MICU3: variants seen among roughly 807,000 people sequenced by gnomAD.
The protein encoded by MICU3 is calcium uptake protein 3, mitochondrial.
A neutral mutation model predicts 66.5 loss-of-function variants in MICU3; 62 were observed. The observed-to-expected ratio is 0.93, with a 90% CI of 0.76 to 1.15. The LOEUF is 1.15. Ranked by LOEUF, MICU3 falls within the 50% of genes most tolerant of loss-of-function variation. MICU3 has a pLI of 0.00. For synonymous variants in MICU3, 308 were observed against 240.7 expected (o/e 1.28, Z -2.59); for missense variants, 779 against 664.4 (o/e 1.17, Z -1.90).
intron 1 of MICU3, among the ~76,000 whole-genome samples, chr8:17,030,305 T>C (rs1811799078): frequency 6.6e-6 from 1 of 152,262 alleles, no homozygotes; most frequent in African/African-American, 2.4e-5. Context: ...GGTTGTTACC[T>C]GTCTCTTACT....
chr8:17,106,071 G>T (rs1801712203), intron 11 of MICU3, among the ~76,000 whole-genome samples: 1 of 151,914 alleles, frequency 6.6e-6, no homozygotes. Flanking sequence ...TAAGAACCTG[G>T]GACAACTGAT....
rs562595642 is a variant in MICU3, at chr8:17,111,970, A to G, written c.1258-2123A>G. On this transcript the variant is annotated intron_variant, in intron 11 of 14. Transcript: ENST00000318063. ...GCAAGTACCTTCATCACAAGGCAGC[A>G]GGAGAGAAAGAGAGAACACACAGGA... is the stretch of plus-strand genomic sequence containing the variant. 2.0e-5 allele frequency among the ~76,000 whole-genome samples: 3 copies of G among 152,322 alleles called. No homozygotes were observed. The South Asian group carries it at 6.2e-4, about 32-fold the overall frequency.
chr8:17,098,452 C>G lies in MICU3; in HGVS notation c.889-6C>G. 1 of 1,580,342 alleles carries G rather than the reference C, an allele frequency of 6.3e-7. No homozygotes were observed. The highest frequency in any genetic ancestry group is 8.7e-7 in the Non-Finnish European group (1 of 1,149,824). On this transcript the variant is annotated splice_polypyrimidine_tract_variant and splice_region_variant and intron_variant, in intron 8 of 14. Transcript: ENST00000318063. ...ATTTCAGTTGTGCTTCTTAAAACTT[C>G]TACAGGTACTTAAAACAGATGCTGA...
At chr8:17,109,515 C>A (rs754146505) in intron 11 of MICU3, among the ~76,000 whole-genome samples, 1 of 151,992 alleles carries the variant, frequency 6.6e-6, no homozygotes, top group African/African-American at 2.4e-5. Flanking sequence ...AAAAAAAATT[C>A]TTTACTAGTG....
chr8:17,124,440 A>G (rs973292409), downstream of MICU3, among the ~76,000 whole-genome samples: 3 of 152,064 alleles, frequency 2.0e-5, no homozygotes, highest in East Asian at 3.9e-4. Flanking sequence ...ATATTTAAAT[A>G]TGTAAGGTAA....
chr8:17,104,084 A>G (rs772764708), intron 9 of MICU3, among the ~76,000 whole-genome samples: 22 of 152,058 alleles, frequency 1.4e-4, no homozygotes, highest in African/African-American at 2.9e-4. Context: ...AAGGATTTCA[A>G]TTATTTTAGA....
At chr8:17,116,134 C>T (rs1802655124) in intron 12 of MICU3, among the ~76,000 whole-genome samples, 2 of 152,204 alleles carry the variant, frequency 1.3e-5, no homozygotes, top group Admixed American at 1.3e-4. Context: ...CCCATCTGAA[C>T]CGTAAGTTTC....
At chr8:17,138,134 T>A in the MICU3 span, among the ~76,000 whole-genome samples, 1 of 152,140 alleles carries the variant, frequency 6.6e-6, no homozygotes, top group African/African-American at 2.4e-5. Flanking sequence ...CACATAGTGA[T>A]AAACTCTTAA....
intron 8 of MICU3, among the ~76,000 whole-genome samples, chr8:17,097,663 A>G (rs901110164): frequency 1.5e-4 from 23 of 151,774 alleles, no homozygotes; most frequent in African/African-American, 4.6e-4. Flanking sequence ...ACATTAACCA[A>G]AAGACCACCT....
At chr8:17,137,566 G>A in the MICU3 span, among the ~76,000 whole-genome samples, 3 of 149,884 alleles carry the variant, frequency 2.0e-5, no homozygotes, top group African/African-American at 7.3e-5. Flanking sequence ...ATTTCACACT[G>A]GGCTTCAAAA....
At chr8:17,110,191 G>A (rs1471012083) in intron 11 of MICU3, among the ~76,000 whole-genome samples, 2 of 152,080 alleles carry the variant, frequency 1.3e-5, no homozygotes, top group Non-Finnish European at 2.9e-5. Context: ...ATACTTTATT[G>A]TAATGATTTG....
chr8:17,135,629 T>C, the MICU3 span, among the ~76,000 whole-genome samples: 1 of 152,122 alleles, frequency 6.6e-6, no homozygotes, highest in Admixed American at 6.6e-5. Context: ...TTCTGTATTA[T>C]TGCATTGATC....
At chr8:17,035,944 TG>T (rs1812898588) in intron 1 of MICU3, among the ~76,000 whole-genome samples, 2 of 152,266 alleles carry the variant, frequency 1.3e-5, no homozygotes, top group Non-Finnish European at 2.9e-5. Flanking sequence ...ACCACAGACC[TG>T]GAAGCCTAGG....
chr8:17,081,562 G>A, intron 4 of MICU3, 131 bp from the exon 5 acceptor site: 2 of 349,722 alleles, frequency 5.7e-6, no homozygotes, highest in South Asian at 1.1e-4. Flanking sequence ...CTTTTGTTAT[G>A]ATTTTATAAT....
At chr8:17,064,813 AC>A (rs1818435192) in intron 2 of MICU3, among the ~76,000 whole-genome samples, 1 of 152,136 alleles carries the variant, frequency 6.6e-6, no homozygotes, top group Non-Finnish European at 1.5e-5. Flanking sequence ...AAGAAAATCT[AC>A]CTCACAGACA....
At chr8:17,084,759 A>C (rs1181070629) in intron 5 of MICU3, among the ~76,000 whole-genome samples, 1 of 152,000 alleles carries the variant, frequency 6.6e-6, no homozygotes, top group Non-Finnish European at 1.5e-5. Flanking sequence ...CTTTTGTTTT[A>C]TATTTCTGTT....
At chr8:17,082,361 A>T (rs1368074650) in intron 5 of MICU3, among the ~76,000 whole-genome samples, 2 of 152,150 alleles carry the variant, frequency 1.3e-5, no homozygotes, top group Non-Finnish European at 2.9e-5. Context: ...TCCCCGTGAT[A>T]ATAAACATCA....
chr8:17,035,426 T>G (rs1259610271), intron 1 of MICU3, among the ~76,000 whole-genome samples: 1 of 152,228 alleles, frequency 6.6e-6, no homozygotes, highest in Admixed American at 6.5e-5. Flanking sequence ...ACAGACTTGT[T>G]GAATGGCTTT....
At chr8:17,092,037 C>A (rs1340381591) in intron 8 of MICU3, among the ~76,000 whole-genome samples, 1 of 151,990 alleles carries the variant, frequency 6.6e-6, no homozygotes, top group African/African-American at 2.4e-5. Context: ...GCCACCATGC[C>A]CAGCTAATTT....
Sources: allele counts gnomAD v4.1 joint callset (sites outside exome capture counted in the v4.1 genomes callset), GRCh38; gene constraint gnomAD v4.1.1; transcripts MANE v1.5; gene names NCBI Gene and HGNC (gene_info 2026-07-23, HGNC 2026-07-21).